Variants in SLCO3A1 observed in about 807,000 individuals in gnomAD.
The protein encoded by SLCO3A1 is PGE1 transporter.
SLCO3A1 carries 27 observed loss-of-function variants against 63.1 expected under a neutral mutation model. The ratio of observed to expected loss-of-function variants is 0.43; its 90% confidence interval spans 0.32 to 0.59. The LOEUF (loss-of-function observed/expected upper bound fraction) is 0.59, where lower values mean the gene tolerates loss of function less well. Ranked by LOEUF, SLCO3A1 falls within the 20% of genes least tolerant of loss-of-function variation. The pLI is 0.09. For synonymous variants in SLCO3A1, 473 were observed against 409.9 expected, an observed-to-expected ratio of 1.15 and a Z score of -1.86; for missense variants, 773 against 945.8, an observed-to-expected ratio of 0.82 and a Z score of 2.40.
chr15:92,165,219 C>CT lies in SLCO3A1; in HGVS notation c.*2084_*2085insT. On this transcript the variant is annotated 3_prime_UTR_variant, in exon 10 of 10. Coordinates refer to ENST00000318445, the MANE Select transcript of SLCO3A1 (RefSeq NM_013272.4). ...TACCTGGGGCAGGATGCTTCTGAGA[C>CT]AGGCCTTTCAACTGCTTAGTGTTAG... The CT allele has an allele frequency of 1.0e-6, 1 of 985,374 alleles. No homozygotes were observed. Among genetic ancestry groups the CT allele is most frequent in the Non-Finnish European group, 1.2e-6 (1 of 829,936 alleles). The allele number at this position is 985,374 out of a possible 1,614,324, so 61.0% of individuals were successfully genotyped here. A position where few individuals can be genotyped will look rare whatever the true frequency, so the allele number is the denominator to read the frequency against.
Position 91,875,191 on chromosome 15 carries a change from T to C in SLCO3A1, c.180+21103T>C, listed in dbSNP as rs1897369488. On this transcript the variant is annotated intron_variant, in intron 1 of 9. Coordinates refer to ENST00000318445, the MANE Select transcript of SLCO3A1 (RefSeq NM_013272.4). This position sits in a 1 kb window ranked among gnomAD's most constrained non-coding sequence, Gnocchi z 4.5. ...TCTCTACCATTTACTGAGCATCCGCTGTGTGTACCTGACACATGTCATCTC... is the reference window on the plus strand; with the variant it reads ...TCTCTACCATTTACTGAGCATCCGCCGTGTGTACCTGACACATGTCATCTC... Among the ~76,000 whole-genome samples, 1 of 152,380 alleles carries C rather than the reference T, an allele frequency of 6.6e-6. No individual in the cohort carries two copies. Among genetic ancestry groups the C allele is most frequent in the African/African-American group, 2.4e-5 (1 of 41,584 alleles).
At chr15:92,053,165 T>C (rs2046978004) in intron 2 of SLCO3A1, among the ~76,000 whole-genome samples, 1 of 151,936 alleles carries the variant, frequency 6.6e-6, no homozygotes, top group African/African-American at 2.4e-5. Flanking sequence ...GATGGGATGA[T>C]GAGCAGGACC....
At chr15:92,016,231 A>T (rs1330554217) in intron 2 of SLCO3A1, among the ~76,000 whole-genome samples, 1 of 71,980 alleles carries the variant, frequency 1.4e-5, no homozygotes, top group African/African-American at 9.0e-5. Context: ...ATAGATAGAT[A>T]GATAGATAGA....
chr15:92,169,270 T>A (rs1431293313), downstream of SLCO3A1, among the ~76,000 whole-genome samples: 1 of 152,056 alleles, frequency 6.6e-6, no homozygotes, highest in African/African-American at 2.4e-5. Flanking sequence ...CAAACCCAGG[T>A]CTGTGAAAAA....
At chr15:92,008,684 G>A (rs548261003) in intron 2 of SLCO3A1, among the ~76,000 whole-genome samples, 4 of 152,178 alleles carry the variant, frequency 2.6e-5, no homozygotes, top group Admixed American at 2.6e-4. Flanking sequence ...ATACACACAT[G>A]CACAGAGATA....
At chr15:92,017,291 G>A (rs57465181) in intron 2 of SLCO3A1, among the ~76,000 whole-genome samples, 1,760 of 152,170 alleles carry the variant, frequency 0.012, 30 homozygotes, top group African/African-American at 0.04. Context: ...GGATTGGGGG[G>A]GGGTAGGGAA....
chr15:92,030,914 A>T (rs35986208), intron 2 of SLCO3A1, among the ~76,000 whole-genome samples: 2 of 151,824 alleles, frequency 1.3e-5, no homozygotes, highest in Admixed American at 1.3e-4. Context: ...ATGCCAACCT[A>T]TGGAGTTCCC....
chr15:91,889,083 G>T, intron 1 of SLCO3A1: 2 of 974,248 alleles, frequency 2.1e-6, no homozygotes, highest in Non-Finnish European at 2.6e-6. Context: ...GCTAACATTT[G>T]TGTACTTGTT....
At chr15:92,159,622 A>C (rs1441876793) in intron 9 of SLCO3A1, among the ~76,000 whole-genome samples, 2 of 144,446 alleles carry the variant, frequency 1.4e-5, no homozygotes, top group East Asian at 4.0e-4. Flanking sequence ...CCTGGAATGC[A>C]GTGGCGTGAT....
Position 91,968,565 on chromosome 15 carries a change from C to T in SLCO3A1, c.646+52107C>T, listed in dbSNP as rs146666060. ...GGACCAGTGGCATCAAATTCTGGTG[C>T]TAACAAAGGAAGTTCCATCACAGAC... On this transcript the variant is annotated intron_variant, in intron 2 of 9. Transcript: ENST00000318445. The surrounding 1 kb of genome is among the most constrained non-coding windows in gnomAD (Gnocchi z 4.2). Among the ~76,000 whole-genome samples, 3 of 152,176 alleles carry T rather than the reference C, an allele frequency of 2.0e-5. No homozygotes were observed. Among genetic ancestry groups the T allele is most frequent in the Non-Finnish European group, 4.4e-5 (3 of 68,012 alleles).
intron 2 of SLCO3A1, among the ~76,000 whole-genome samples, chr15:91,988,609 G>T (rs2046085806): frequency 6.6e-6 from 1 of 152,014 alleles, no homozygotes; most frequent in Non-Finnish European, 1.5e-5. Flanking sequence ...TGAACTTGAG[G>T]GGAATAAGAA....
At chr15:92,134,156 C>T (rs1354511834) in intron 7 of SLCO3A1, among the ~76,000 whole-genome samples, 1 of 152,214 alleles carries the variant, frequency 6.6e-6, no homozygotes, top group Non-Finnish European at 1.5e-5. Context: ...CACTGGCCAT[C>T]CCTTACACCT....
rs1336843507 is a variant in SLCO3A1, at chr15:92,053,954, C to T, written c.647-40927C>T. 2.0e-5 allele frequency among the ~76,000 whole-genome samples: 3 copies of T among 152,112 alleles called. No individual in the cohort carries two copies. The East Asian group carries it at 5.8e-4, about 29-fold the overall frequency. Reference sequence around the variant, plus strand: ...CTTACAGAGTAGGAGTTGGGCTCCACCTCCTTGAGAGTGGCACATCTACAT... The same window carrying T: ...CTTACAGAGTAGGAGTTGGGCTCCATCTCCTTGAGAGTGGCACATCTACAT... On this transcript the variant is annotated intron_variant, in intron 2 of 9. Coordinates refer to ENST00000318445, the MANE Select transcript of SLCO3A1 (RefSeq NM_013272.4).
intron 2 of SLCO3A1, among the ~76,000 whole-genome samples, chr15:92,053,748 A>G (rs2046989154): frequency 6.8e-6 from 1 of 147,796 alleles, no homozygotes; most frequent in South Asian, 2.1e-4. Context: ...GGTTTGGAAG[A>G]GGAAGGACAC....
In SLCO3A1 at chr15:91,998,725, G is replaced by A. The variant is rs36050788; in HGVS notation, c.646+82267G>A. ...ATTAGTTCAGCCACTGTGGAAAGCA[G>A]TTTGAAGATTTCTCAAAGAACTTAA... On this transcript the variant is annotated intron_variant, in intron 2 of 9. Coordinates refer to ENST00000318445, the MANE Select transcript of SLCO3A1 (RefSeq NM_013272.4). 7.0e-3 allele frequency among the ~76,000 whole-genome samples: 1,074 copies of A among 152,350 alleles called. 9 individuals are homozygous for A. The highest frequency in any genetic ancestry group is 0.012 in the Non-Finnish European group (800 of 68,038).
At chr15:92,058,606 A>G (rs559872973) in intron 2 of SLCO3A1, among the ~76,000 whole-genome samples, 5 of 152,282 alleles carry the variant, frequency 3.3e-5, no homozygotes, top group African/African-American at 9.6e-5. Context: ...GTTCTCTGGG[A>G]GATGAATATT....
chr15:92,120,254 C>T (rs2047847590), intron 4 of SLCO3A1, among the ~76,000 whole-genome samples: 1 of 152,150 alleles, frequency 6.6e-6, no homozygotes, highest in Non-Finnish European at 1.5e-5. Flanking sequence ...TAATTGGCAA[C>T]ATGTCAGTGT....
At chr15:92,104,032 G>A (rs565879562) in intron 3 of SLCO3A1, among the ~76,000 whole-genome samples, 30 of 152,328 alleles carry the variant, frequency 2.0e-4, no homozygotes, top group African/African-American at 6.7e-4. Context: ...CACTGTTTTT[G>A]TTTAGACCGA....
chr15:92,071,310 G>A (rs573620988), intron 2 of SLCO3A1, among the ~76,000 whole-genome samples: 130 of 152,316 alleles, frequency 8.5e-4, no homozygotes, highest in African/African-American at 3.0e-3. Context: ...CCCACTGTCT[G>A]CAGGGCAAGC....
Sources: gnomAD v4.1 joint callset for allele counts (sites outside exome capture counted in the v4.1 genomes callset) on GRCh38, gnomAD v4.1.1 for gene constraint, Gnocchi (gnomAD v3.1) non-coding constraint, MANE v1.5 for transcripts, NCBI Gene and HGNC (gene_info 2026-07-23, HGNC 2026-07-21) for gene names.